ZNF385D: variants seen among roughly 807,000 people sequenced by gnomAD.
The protein encoded by ZNF385D is zinc finger protein 385D.
In ZNF385D, 15 loss-of-function variants were observed where a neutral mutation model predicts 35.8. The ratio of observed to expected loss-of-function variants is 0.42; its 90% CI spans 0.28 to 0.64. ZNF385D has a LOEUF of 0.64. Ranked by LOEUF, ZNF385D falls within the 30% of genes least tolerant of loss-of-function variation. The pLI is 0.23. For synonymous variants in ZNF385D, 212 were observed against 186.8 expected, an observed-to-expected ratio of 1.13 and a Z score of -1.10; for missense variants, 474 against 494.6, an observed-to-expected ratio of 0.96 and a Z score of 0.39.
chr3:21,470,805 T>C (rs2125341671), intron 4 of ZNF385D, among the ~76,000 whole-genome samples: 1 of 152,082 alleles, frequency 6.6e-6, no homozygotes, highest in East Asian at 1.9e-4. Flanking sequence ...CTTTTTGTAG[T>C]GTAATTGGTT....
At chr3:21,989,465 C>G (rs1398991650) in intron 3 of ZNF385D, among the ~76,000 whole-genome samples, 2 of 152,084 alleles carry the variant, frequency 1.3e-5, no homozygotes, top group African/African-American at 4.8e-5. Context: ...GATTATGGAT[C>G]GGTTTAGACA....
intron 3 of ZNF385D, among the ~76,000 whole-genome samples, chr3:21,903,674 G>A (rs911808292): frequency 6.6e-6 from 1 of 152,122 alleles, no homozygotes; most frequent in Non-Finnish European, 1.5e-5. Flanking sequence ...ATCTCAATAA[G>A]CATTTTTTAA....
chr3:22,019,034 CTTTTTTTTTTT>C (rs11380195), intron 3 of ZNF385D, among the ~76,000 whole-genome samples: 13 of 64,468 alleles, frequency 2.0e-4, no homozygotes, highest in East Asian at 1.0e-3. Flanking sequence ...AGTTATTTAC[CTTTTTTTTTTT>C]TTTTTTTTTT....
At chr3:21,735,801 CT>C (rs544793848) in intron 1 of ZNF385D, among the ~76,000 whole-genome samples, 218 of 152,282 alleles carry the variant, frequency 1.4e-3, no homozygotes, top group African/African-American at 5.1e-3. Context: ...GATTGGTTGC[CT>C]TGTCCTCCTC....
At chr3:21,699,105 T>C (rs1227462626) in intron 1 of ZNF385D, among the ~76,000 whole-genome samples, 1 of 152,128 alleles carries the variant, frequency 6.6e-6, no homozygotes, top group Admixed American at 6.5e-5. Context: ...CCATCAATGA[T>C]AGACTGGATA....
chr3:22,076,157 A>G (rs1007947499), intron 3 of ZNF385D, among the ~76,000 whole-genome samples: 10 of 151,926 alleles, frequency 6.6e-5, no homozygotes, highest in Non-Finnish European at 1.3e-4. Context: ...CTGAACTTCC[A>G]GAAGAATCAT....
chr3:21,807,902 T>C (rs1044539384), intron 3 of ZNF385D, among the ~76,000 whole-genome samples: 1 of 152,204 alleles, frequency 6.6e-6, no homozygotes, highest in East Asian at 1.9e-4. Flanking sequence ...ATTTTTAGTA[T>C]GTAAGCTAAA....
chr3:22,188,490 C>T (rs901434556), intron 2 of ZNF385D, among the ~76,000 whole-genome samples: 2 of 151,710 alleles, frequency 1.3e-5, no homozygotes. Flanking sequence ...TGCTCTGTTG[C>T]CCAGGCTGGA....
At chr3:22,369,168 T>C (rs73041346) in intron 2 of ZNF385D, among the ~76,000 whole-genome samples, 7,537 of 152,292 alleles carry the variant, frequency 0.049, 234 homozygotes, top group East Asian at 0.1. Context: ...AATATTAGTT[T>C]CTTCAATCTG....
At chr3:21,995,858 G>T (rs530358901) in intron 3 of ZNF385D, among the ~76,000 whole-genome samples, 1 of 151,974 alleles carries the variant, frequency 6.6e-6, no homozygotes, top group South Asian at 2.1e-4. Context: ...GCTCTAGTGG[G>T]GATACACTTT....
At chr3:22,269,124 A>G (rs1272570581) in intron 2 of ZNF385D, among the ~76,000 whole-genome samples, 22 of 151,958 alleles carry the variant, frequency 1.4e-4, no homozygotes, top group Admixed American at 1.4e-3. Context: ...TACCCTGCCA[A>G]TGTATATCTG....
At chr3:22,345,092 A>G (rs1695597150) in intron 2 of ZNF385D, among the ~76,000 whole-genome samples, 1 of 152,190 alleles carries the variant, frequency 6.6e-6, no homozygotes, top group Non-Finnish European at 1.5e-5. Context: ...CATTTCTCAC[A>G]CATTGCTATT....
chr3:22,352,026 G>C (rs1318189297), intron 2 of ZNF385D, among the ~76,000 whole-genome samples: 2 of 152,134 alleles, frequency 1.3e-5, no homozygotes, highest in Non-Finnish European at 2.9e-5. Flanking sequence ...ATATGTTAAT[G>C]TTTCCTTATC....
chr3:21,805,174 G>C (rs982565864), intron 3 of ZNF385D, among the ~76,000 whole-genome samples: 3 of 152,168 alleles, frequency 2.0e-5, no homozygotes, highest in African/African-American at 7.2e-5. Flanking sequence ...ACTAGATGCA[G>C]TTAATTTAAG....
intron 3 of ZNF385D, among the ~76,000 whole-genome samples, chr3:21,901,385 G>A (rs1225450474): frequency 3.3e-5 from 5 of 152,138 alleles, no homozygotes; most frequent in Admixed American, 2.0e-4. Flanking sequence ...ATAGAAAGCT[G>A]AGAATTAAAA....
chr3:22,177,164 G>T lies in ZNF385D; in HGVS notation c.107-8129C>A, dbSNP rs557160104. ...CTGCCATCACACCAGGGATGCTGAG[G>T]CTGCACTGTGAGTCCTGCTCTTGAG... On this transcript the variant is annotated intron_variant, in intron 2 of 5. Coordinates refer to the ZNF385D transcript ENST00000494108. Among the ~76,000 whole-genome samples, 13 of 152,236 alleles carry T rather than the reference G, an allele frequency of 8.5e-5. No homozygotes were observed. The South Asian group carries it at 2.5e-3, about 29-fold the overall frequency.
At chr3:21,980,097 C>G (rs1355565997) in intron 3 of ZNF385D, among the ~76,000 whole-genome samples, 1 of 152,200 alleles carries the variant, frequency 6.6e-6, no homozygotes, top group East Asian at 1.9e-4. Context: ...GTTAAGCTAG[C>G]TATATTGTGG....
At chr3:21,669,340 G>C (rs1363074417) in intron 1 of ZNF385D, among the ~76,000 whole-genome samples, 1 of 151,960 alleles carries the variant, frequency 6.6e-6, no homozygotes, top group Non-Finnish European at 1.5e-5. Flanking sequence ...CTCCTTTTTT[G>C]ATGTTTTTGT....
At chr3:22,265,422 T>G (rs1035258438) in intron 2 of ZNF385D, among the ~76,000 whole-genome samples, 6 of 152,136 alleles carry the variant, frequency 3.9e-5, no homozygotes, top group South Asian at 4.1e-4. Context: ...TTAAATGAAC[T>G]CTTTGTATCT....
Sources: gnomAD v4.1 joint callset for allele counts (sites outside exome capture counted in the v4.1 genomes callset) on GRCh38, gnomAD v4.1.1 for gene constraint, MANE v1.5 for transcripts, NCBI Gene and HGNC (gene_info 2026-07-23, HGNC 2026-07-21) for gene names.